ENOX1: variants seen among roughly 807,000 people sequenced by gnomAD.
The protein encoded by ENOX1 is ecto-NOX disulfide-thiol exchanger 1, also known as candidate growth-related and time keeping constitutive hydroquinone (NADH) oxidase.
In ENOX1, 42 loss-of-function variants were observed where a neutral mutation model predicts 82.5. The ratio of observed to expected loss-of-function variants is 0.51; its 90% CI spans 0.40 to 0.66. The LOEUF is 0.66. Ranked by LOEUF, ENOX1 falls within the 30% of genes least tolerant of loss-of-function variation. The pLI is 0.00. For missense variants in ENOX1, 608 were observed against 811.6 expected, an observed-to-expected ratio of 0.75 and a Z score of 3.05; for synonymous variants, 271 against 282.2, an observed-to-expected ratio of 0.96 and a Z score of 0.40.
intron 8 of ENOX1, among the ~76,000 whole-genome samples, chr13:43,352,892 A>T (rs1168433466): frequency 6.6e-6 from 1 of 152,154 alleles, no homozygotes; most frequent in African/African-American, 2.4e-5. Context: ...CACTTCCCAC[A>T]TATAACAGGA....
At chr13:43,349,756 G>A (rs2049648231) in intron 8 of ENOX1, among the ~76,000 whole-genome samples, 1 of 152,220 alleles carries the variant, frequency 6.6e-6, no homozygotes, top group African/African-American at 2.4e-5. Context: ...AAACTGGTTA[G>A]GAGCTGACCA....
At chr13:43,475,024 A>C (rs1183580089) in intron 3 of ENOX1, among the ~76,000 whole-genome samples, 1 of 152,154 alleles carries the variant, frequency 6.6e-6, no homozygotes, top group Non-Finnish European at 1.5e-5. Flanking sequence ...GACAGATTGG[A>C]AGAGCAGTGA....
At chr13:43,733,978 G>A (rs2089479815) in intron 1 of ENOX1, among the ~76,000 whole-genome samples, 1 of 151,570 alleles carries the variant, frequency 6.6e-6, no homozygotes, top group Non-Finnish European at 1.5e-5. Context: ...ACCAAAAAAA[G>A]AAAAGAAAAG....
At chr13:43,553,525 TGTAC>T (rs552376823) in intron 2 of ENOX1, among the ~76,000 whole-genome samples, 13 of 152,336 alleles carry the variant, frequency 8.5e-5, no homozygotes, top group African/African-American at 2.9e-4. Flanking sequence ...TGATGTCATT[TGTAC>T]GATTCACTTT....
intron 2 of ENOX1, among the ~76,000 whole-genome samples, chr13:43,494,219 T>C: frequency 6.6e-6 from 1 of 152,044 alleles, no homozygotes; most frequent in East Asian, 1.9e-4. Flanking sequence ...CAATCAACCA[T>C]CACAATAATC....
chr13:43,348,659 G>T (rs1289806243), intron 8 of ENOX1, among the ~76,000 whole-genome samples: 2 of 152,134 alleles, frequency 1.3e-5, no homozygotes, highest in African/African-American at 4.8e-5. Context: ...TATCCACGTT[G>T]TCTACACTAC....
chr13:43,648,457 T>C (rs2084002989), intron 2 of ENOX1, among the ~76,000 whole-genome samples: 1 of 151,750 alleles, frequency 6.6e-6, no homozygotes, highest in Non-Finnish European at 1.5e-5. Flanking sequence ...GTGAAGAAAA[T>C]AAAATAAGAT....
chr13:43,516,102 T>C (rs1389457938), intron 2 of ENOX1, among the ~76,000 whole-genome samples: 1 of 152,184 alleles, frequency 6.6e-6, no homozygotes, highest in East Asian at 1.9e-4. Flanking sequence ...GGGAACTCCA[T>C]AGATGCTTGT....
chr13:43,427,686 T>G (rs772008789), intron 3 of ENOX1, among the ~76,000 whole-genome samples: 1 of 152,200 alleles, frequency 6.6e-6, no homozygotes, highest in Non-Finnish European at 1.5e-5. Flanking sequence ...ACATAGACCC[T>G]GTCTTCAAAA....
intron 2 of ENOX1, among the ~76,000 whole-genome samples, chr13:43,576,531 T>TGTA (rs1203032721): frequency 2.6e-5 from 4 of 152,160 alleles, no homozygotes; most frequent in African/African-American, 9.7e-5. Flanking sequence ...TAAGATGTGC[T>TGTA]GTAGTGTAAA....
At chr13:43,417,702 A>G (rs569726652) in intron 3 of ENOX1, among the ~76,000 whole-genome samples, 1 of 152,322 alleles carries the variant, frequency 6.6e-6, no homozygotes, top group East Asian at 1.9e-4. Context: ...AGCACTCTGA[A>G]TACAGTAGGT....
intron 15 of ENOX1, among the ~76,000 whole-genome samples, chr13:43,234,152 G>A (rs1471869218): frequency 6.6e-6 from 1 of 152,192 alleles, no homozygotes; most frequent in Non-Finnish European, 1.5e-5. Context: ...CAAACTCAAT[G>A]AGTAGATAGG....
intron 2 of ENOX1, among the ~76,000 whole-genome samples, chr13:43,609,238 T>C (rs1367686864): frequency 6.6e-6 from 1 of 152,214 alleles, no homozygotes; most frequent in Non-Finnish European, 1.5e-5. Flanking sequence ...TATGTATCTG[T>C]GAATGAAGCT....
chr13:43,532,952 T>A (rs1407929747), intron 2 of ENOX1, among the ~76,000 whole-genome samples: 2 of 151,824 alleles, frequency 1.3e-5, no homozygotes, highest in Non-Finnish European at 2.9e-5. Context: ...TATAACCACA[T>A]GAACAAAAGC....
chr13:43,369,915 G>C (rs1160068109), intron 5 of ENOX1, among the ~76,000 whole-genome samples: 1 of 152,208 alleles, frequency 6.6e-6, no homozygotes, highest in Non-Finnish European at 1.5e-5. Flanking sequence ...GTGACACATG[G>C]AGCATGTCCT....
At chr13:43,269,743 A>G (rs2044580521) in intron 12 of ENOX1, among the ~76,000 whole-genome samples, 166 bp from the exon 13 acceptor site, 1 of 152,224 alleles carries the variant, frequency 6.6e-6, no homozygotes, top group African/African-American at 2.4e-5. Context: ...TATCAAGGGC[A>G]TTGCAGTTTT....
intron 2 of ENOX1, among the ~76,000 whole-genome samples, chr13:43,518,501 T>C (rs1242860453): frequency 1.3e-5 from 2 of 152,008 alleles, no homozygotes; most frequent in Non-Finnish European, 2.9e-5. Context: ...TCTAGTGCAA[T>C]ACTCAGCATT....
chr13:43,338,687 T>G (rs922777438), intron 9 of ENOX1, among the ~76,000 whole-genome samples: 5 of 135,422 alleles, frequency 3.7e-5, no homozygotes, highest in Admixed American at 7.3e-5. Flanking sequence ...TTTTTTTTTT[T>G]TTTTTTTTTT....
chr13:43,341,511 C>A (rs190855771), intron 9 of ENOX1, among the ~76,000 whole-genome samples: 1 of 152,016 alleles, frequency 6.6e-6, no homozygotes, highest in East Asian at 1.9e-4. Context: ...GGGAAAGGGG[C>A]CAGTGGAAAT....
Sources: gnomAD v4.1 joint callset for allele counts (sites outside exome capture counted in the v4.1 genomes callset) on GRCh38, gnomAD v4.1.1 for gene constraint, MANE v1.5 for transcripts, NCBI Gene and HGNC (gene_info 2026-07-23, HGNC 2026-07-21) for gene names.